The following CCSER1 variants were observed in gnomAD, a reference collection of about 807,000 sequenced individuals.
CCSER1 encodes coiled-coil serine rich protein 1, also known as serine-rich coiled-coil domain-containing protein 1.
Under a neutral mutation model 82.0 loss-of-function variants are expected in CCSER1, and 41 were observed. That is an observed-to-expected ratio of 0.50 (90% CI 0.39 to 0.65). The LOEUF is 0.65. CCSER1 is among the 30% of genes least tolerant of loss of function. The pLI is 0.00. For synonymous variants in CCSER1, 414 were observed against 383.9 expected (o/e 1.08, Z -0.92); for missense variants, 1,119 against 1,064.2 (o/e 1.05, Z -0.72).
At chr4:91,153,614 C>T (rs1215953964) in intron 10 of CCSER1, among the ~76,000 whole-genome samples, 1 of 151,904 alleles carries the variant, frequency 6.6e-6, no homozygotes, top group Admixed American at 6.5e-5. Context: ...AGCTTTTTTG[C>T]TCTGGTTTCT....
chr4:90,571,951 G>C (rs1286490789), intron 5 of CCSER1, among the ~76,000 whole-genome samples: 1 of 152,050 alleles, frequency 6.6e-6, no homozygotes, highest in Middle Eastern at 3.4e-3. Flanking sequence ...ATCTGAATTT[G>C]TGTACTTACT....
intron 1 of CCSER1, among the ~76,000 whole-genome samples, chr4:90,209,020 G>C (rs1283510820): frequency 6.6e-6 from 1 of 152,118 alleles, no homozygotes; most frequent in African/African-American, 2.4e-5. Context: ...GTTAGGCTTT[G>C]TACTGACAAT....
At position 91,196,244 on chromosome 4, in the gene CCSER1, C is replaced by T. The variant is rs368035912; in HGVS notation, c.2217+110250C>T. Among the ~76,000 whole-genome samples, 21 of 151,292 alleles carry T rather than the reference C, an allele frequency of 1.4e-4. 1 individual carries two copies. The South Asian group carries it at 2.9e-3, about 21-fold the overall frequency. On this transcript the variant is annotated intron_variant, in intron 10 of 10. Coordinates refer to ENST00000509176, the MANE Select transcript of CCSER1 (RefSeq NM_001145065.2). ...ATGGATCCTCAAAGACTGCATTTCT[C>T]TTCTAGCCCAAGAAGGTCAATGCAG... is the stretch of plus-strand genomic sequence containing the variant.
chr4:90,575,113 G>A (rs949817929), intron 5 of CCSER1, among the ~76,000 whole-genome samples: 2 of 151,928 alleles, frequency 1.3e-5, no homozygotes, highest in Non-Finnish European at 2.9e-5. Context: ...TTTCATCCAC[G>A]ATTCAATTTA....
At chr4:90,536,655 T>G (rs1005934632) in intron 5 of CCSER1, among the ~76,000 whole-genome samples, 4 of 152,184 alleles carry the variant, frequency 2.6e-5, no homozygotes, top group Admixed American at 2.0e-4. Context: ...GGCCTGAAAA[T>G]TAAAGACCTG....
chr4:90,622,976 G>C (rs1722611732), intron 5 of CCSER1, among the ~76,000 whole-genome samples: 1 of 150,426 alleles, frequency 6.6e-6, no homozygotes, highest in Non-Finnish European at 1.5e-5. Flanking sequence ...GTGTGAGATG[G>C]TATTTTGCTG....
chr4:90,232,081 C>A (rs1431784956), intron 1 of CCSER1, among the ~76,000 whole-genome samples: 1 of 152,190 alleles, frequency 6.6e-6, no homozygotes, highest in Non-Finnish European at 1.5e-5. Flanking sequence ...CCATCCCCAT[C>A]AAGCTACCAC....
intron 3 of CCSER1, among the ~76,000 whole-genome samples, chr4:90,315,095 C>T (rs1179855897): frequency 6.6e-6 from 1 of 152,050 alleles, no homozygotes; most frequent in Non-Finnish European, 1.5e-5. Flanking sequence ...AGTGATCCAC[C>T]CGCCTCAGCC....
At chr4:90,498,226 T>C (rs1028183756) in intron 5 of CCSER1, among the ~76,000 whole-genome samples, 2 of 152,156 alleles carry the variant, frequency 1.3e-5, no homozygotes, top group African/African-American at 4.8e-5. Context: ...ACAACAATAA[T>C]GAATAATTAA....
intron 10 of CCSER1, among the ~76,000 whole-genome samples, chr4:91,232,466 A>C (rs192346639): frequency 4.6e-5 from 7 of 151,954 alleles, no homozygotes; most frequent in Admixed American, 2.0e-4. Context: ...GAAAAGATAC[A>C]GCATAGTGTA....
At chr4:90,368,100 A>G (rs1304235354) in intron 3 of CCSER1, among the ~76,000 whole-genome samples, 7 of 151,908 alleles carry the variant, frequency 4.6e-5, no homozygotes, top group African/African-American at 1.4e-4. Flanking sequence ...TCAGACTTCT[A>G]CAAAAGAACA....
intron 10 of CCSER1, among the ~76,000 whole-genome samples, chr4:91,337,915 A>T (rs760214059): frequency 4.6e-5 from 7 of 152,164 alleles, no homozygotes; most frequent in Non-Finnish European, 1.0e-4. Context: ...TTACATAAGG[A>T]GAGAGGTATG....
chr4:90,413,358 A>G (rs1245033641), intron 4 of CCSER1, among the ~76,000 whole-genome samples: 1 of 152,226 alleles, frequency 6.6e-6, no homozygotes, highest in Non-Finnish European at 1.5e-5. Context: ...CATTATCGTG[A>G]AAAAAACCAT....
chr4:91,588,607 A>G (rs1764122956), intron 10 of CCSER1, among the ~76,000 whole-genome samples: 2 of 151,628 alleles, frequency 1.3e-5, no homozygotes, highest in South Asian at 4.1e-4. Flanking sequence ...ATATTTCTAT[A>G]TATGTTAGCA....
intron 1 of CCSER1, among the ~76,000 whole-genome samples, chr4:90,285,752 T>C (rs1274890637): frequency 6.6e-6 from 1 of 152,074 alleles, no homozygotes; most frequent in African/African-American, 2.4e-5. Context: ...TTTTTTCCCA[T>C]TTAATACATA....
chr4:91,242,614 A>G (rs77767413), intron 10 of CCSER1, among the ~76,000 whole-genome samples: 4,348 of 152,256 alleles, frequency 0.029, 208 homozygotes, highest in African/African-American at 0.099. Context: ...AATACCAAAA[A>G]CCTTATTCAT....
At chr4:90,254,687 A>C (rs929401543) in intron 1 of CCSER1, among the ~76,000 whole-genome samples, 1 of 152,106 alleles carries the variant, frequency 6.6e-6, no homozygotes, top group Non-Finnish European at 1.5e-5. Flanking sequence ...TTGTCTGTAC[A>C]TGCCGATAGT....
At position 91,017,249 on chromosome 4, in the gene CCSER1, A is replaced by C. The variant is rs1739512133; in HGVS notation, c.2173-68701A>C. ...AAGTGGAGGCCCAAGGAAAATGAGC[A>C]AGTTTTGTAACAACACGAATGGGGA... On this transcript the variant is annotated intron_variant, in intron 9 of 10. Transcript: ENST00000509176. 2.6e-5 allele frequency: 4 copies of C among 152,224 alleles called. No homozygotes were observed. The South Asian group carries it at 8.3e-4, about 32-fold the overall frequency. 9.4% of individuals were successfully genotyped at this position (152,224 alleles called of 1,614,324 possible).
chr4:90,936,855 A>T (rs1168427722), intron 9 of CCSER1, among the ~76,000 whole-genome samples: 2 of 152,192 alleles, frequency 1.3e-5, no homozygotes, highest in African/African-American at 4.8e-5. Context: ...CCTTTTTTAA[A>T]GAAAATGGTT....
Sources: allele counts gnomAD v4.1 joint callset (sites outside exome capture counted in the v4.1 genomes callset), GRCh38; gene constraint gnomAD v4.1.1; transcripts MANE v1.5; gene names NCBI Gene and HGNC (gene_info 2026-07-23, HGNC 2026-07-21).